Variants in VPS37A observed in about 807,000 individuals in gnomAD.
The protein encoded by VPS37A is vacuolar protein sorting-associated protein 37A.
VPS37A carries 30 observed loss-of-function variants against 49.8 expected under a neutral mutation model. The ratio of observed to expected loss-of-function variants is 0.60; its 90% CI spans 0.45 to 0.82. The LOEUF is 0.82. Ranked by LOEUF, VPS37A falls within the 40% of genes least tolerant of loss-of-function variation. The pLI, the probability that VPS37A is intolerant of heterozygous loss-of-function variation, is 0.00. For missense variants in VPS37A, 593 were observed against 464.4 expected (o/e 1.28, Z -2.55); for synonymous variants, 195 against 160.6 (o/e 1.21, Z -1.62).
intron 1 of VPS37A, among the ~76,000 whole-genome samples, chr8:17,256,960 AG>A (rs1417954716): frequency 2.0e-5 from 3 of 152,154 alleles, no homozygotes; most frequent in Non-Finnish European, 2.9e-5. Context: ...TTTCTGCTTT[AG>A]ATGCCTGTGC....
chr8:17,299,937 A>G, downstream of VPS37A: 2 of 1,614,070 alleles, frequency 1.2e-6, no homozygotes, highest in African/African-American at 1.3e-5. Context: ...GCTCACCACC[A>G]CTTGGAGACC....
intron 6 of VPS37A, 94 bp from the exon 7 acceptor site, chr8:17,279,934 A>G (rs770969062): frequency 1.8e-5 from 27 of 1,514,368 alleles, no homozygotes; most frequent in Admixed American, 1.7e-5. Context: ...TTAGAACCCT[A>G]TCAGTTAACT....
At chr8:17,300,465 T>G (rs373513639), downstream of VPS37A, among the ~76,000 whole-genome samples, 141 of 152,260 alleles carry the variant, frequency 9.3e-4, no homozygotes, top group African/African-American at 3.3e-3. Flanking sequence ...ATAAACAATA[T>G]AGCACAGTTG....
intron 1 of VPS37A, among the ~76,000 whole-genome samples, chr8:17,261,541 A>T (rs780406767): frequency 1.3e-5 from 2 of 152,124 alleles, no homozygotes; most frequent in East Asian, 3.9e-4. Flanking sequence ...ATGTGCGTCT[A>T]TGTCTTTACT....
downstream of VPS37A, among the ~76,000 whole-genome samples, chr8:17,303,798 C>T (rs1375735180): frequency 6.6e-6 from 1 of 152,080 alleles, no homozygotes; most frequent in Non-Finnish European, 1.5e-5. Context: ...TCAGTAGAGA[C>T]TGGGTCTCCC....
chr8:17,288,671 C>T (rs1327641229), intron 11 of VPS37A, among the ~76,000 whole-genome samples: 2 of 152,174 alleles, frequency 1.3e-5, no homozygotes, highest in Non-Finnish European at 2.9e-5. Context: ...AATAGTGCTG[C>T]AATAAACATA....
At chr8:17,300,681 A>G (rs1817053174), downstream of VPS37A, among the ~76,000 whole-genome samples, 1 of 152,228 alleles carries the variant, frequency 6.6e-6, no homozygotes, top group African/African-American at 2.4e-5. Flanking sequence ...TATATTCACA[A>G]GGTTGTGCAA....
chr8:17,331,541 T>G, the VPS37A span, among the ~76,000 whole-genome samples: 1 of 152,248 alleles, frequency 6.6e-6, no homozygotes, highest in African/African-American at 2.4e-5. Flanking sequence ...TAAACCCTTC[T>G]GGAGATGTCA....
intron 4 of VPS37A, among the ~76,000 whole-genome samples, chr8:17,274,192 C>T (rs1253077919): frequency 6.6e-6 from 1 of 152,176 alleles, no homozygotes; most frequent in Non-Finnish European, 1.5e-5. Flanking sequence ...TGCTGTGTGA[C>T]TCTAATATAC....
chr8:17,272,955 A>G (rs1019802396), intron 4 of VPS37A, among the ~76,000 whole-genome samples: 4 of 150,628 alleles, frequency 2.7e-5, no homozygotes, highest in African/African-American at 9.8e-5. Flanking sequence ...TTATTCATCT[A>G]CAAGAAAATA....
the VPS37A span, chr8:17,331,392 G>A: frequency 4.3e-6 from 5 of 1,166,190 alleles, no homozygotes; most frequent in Non-Finnish European, 5.9e-6. Context: ...ATGATGTACG[G>A]AAACATAATA....
At chr8:17,285,008 T>A (rs1405817125) in intron 10 of VPS37A, among the ~76,000 whole-genome samples, 2 of 152,148 alleles carry the variant, frequency 1.3e-5, no homozygotes, top group Non-Finnish European at 2.9e-5. Context: ...AAGGGGGCTC[T>A]TCTGAGCAGA....
In VPS37A at chr8:17,247,187, C is replaced by G; in HGVS notation, c.-58C>G. On this transcript the variant is annotated 5_prime_UTR_variant, in exon 1 of 12. Coordinates refer to ENST00000324849, the MANE Select transcript of VPS37A (RefSeq NM_152415.3). The stretch of plus-strand genomic sequence containing the variant: ...GTCGCTGGAGAACCGCCGGGCCGAG[C>G]CACTGGGAGAAGCAGGCCAGAGCCT... 3.2e-6 allele frequency: 5 copies of G among 1,551,474 alleles called. No homozygotes were observed. Among genetic ancestry groups the G allele is most frequent in the Non-Finnish European group, 4.4e-6 (5 of 1,147,936 alleles).
At chr8:17,265,393 C>T (rs2150370792) in intron 1 of VPS37A, among the ~76,000 whole-genome samples, 1 of 152,314 alleles carries the variant, frequency 6.6e-6, no homozygotes, top group East Asian at 1.9e-4. Flanking sequence ...AGAATAAAAT[C>T]AGGCTTCTCT....
intron 1 of VPS37A, among the ~76,000 whole-genome samples, chr8:17,250,614 C>G (rs967123425): frequency 6.6e-6 from 1 of 152,118 alleles, no homozygotes; most frequent in Non-Finnish European, 1.5e-5. Context: ...TTTCTCTACC[C>G]CATTCTGTCA....
At chr8:17,311,887 T>C in the VPS37A span, 1 of 469,038 alleles carries the variant, frequency 2.1e-6, no homozygotes, top group African/African-American at 1.9e-5. Flanking sequence ...CGCATGTACT[T>C]ACTAAACATA....
downstream of VPS37A, among the ~76,000 whole-genome samples, chr8:17,304,768 T>TGTGTGTGTGTGTGTGTGTGTGTGTGTG (rs1563315402): frequency 4.1e-5 from 6 of 147,512 alleles, no homozygotes; most frequent in African/African-American, 1.5e-4. Context: ...TGTGTGTGTG[T>TGTGTGTGTGTGTGTGTGTGTGTGTGTG]TAAGCTGTTC....
At chr8:17,313,361 C>A in the VPS37A span, 1 of 1,612,520 alleles carries the variant, frequency 6.2e-7, no homozygotes, top group Non-Finnish European at 8.5e-7. Context: ...TCTCCAGACC[C>A]CACAGGAAAT....
At chr8:17,284,006 G>A (rs1815350016) in intron 9 of VPS37A, among the ~76,000 whole-genome samples, 1 of 152,098 alleles carries the variant, frequency 6.6e-6, no homozygotes, top group Non-Finnish European at 1.5e-5. Flanking sequence ...TTATAGCAGT[G>A]TCTACAGTTT....
Sources: allele counts gnomAD v4.1 joint callset (sites outside exome capture counted in the v4.1 genomes callset), GRCh38; gene constraint gnomAD v4.1.1; transcripts MANE v1.5; gene names NCBI Gene and HGNC (gene_info 2026-07-23, HGNC 2026-07-21).